SNTG2: variants seen among roughly 807,000 people sequenced by gnomAD.
The protein encoded by SNTG2 is syntrophin gamma 2, also known as gamma-2-syntrophin.
In SNTG2, 74 loss-of-function variants were observed where a neutral mutation model predicts 70.9. That is an observed-to-expected ratio of 1.04 (90% CI 0.86 to 1.27). SNTG2 has a LOEUF of 1.27. Among genes scored for constraint, SNTG2 ranks in the 50% most tolerant of loss-of-function variants. The probability of loss-of-function intolerance (pLI) is 0.00; values close to 1 mark genes in which losing one functional copy is unlikely to be tolerated. For missense variants in SNTG2, 717 were observed against 690.7 expected (o/e 1.04, Z -0.43); for synonymous variants, 278 against 273.8 (o/e 1.02, Z -0.15).
At chr2:996,144 G>A (rs1661675036) in intron 1 of SNTG2, among the ~76,000 whole-genome samples, 2 of 152,116 alleles carry the variant, frequency 1.3e-5, no homozygotes, top group Non-Finnish European at 2.9e-5. Context: ...GCACACAGGT[G>A]GCCTGAGTGT....
intron 1 of SNTG2, among the ~76,000 whole-genome samples, chr2:972,950 C>A (rs1006370548): frequency 1.3e-5 from 2 of 152,192 alleles, no homozygotes; most frequent in African/African-American, 4.8e-5. Context: ...CAGACTAATA[C>A]AAGTATCTAC....
chr2:1,115,617 A>T (rs1323798059), intron 4 of SNTG2, among the ~76,000 whole-genome samples: 1 of 128,566 alleles, frequency 7.8e-6, no homozygotes. Context: ...GAAGAATCGT[A>T]TGTACTAAGT....
At chr2:1,267,641 T>C in intron 14 of SNTG2, 70 bp downstream of exon 14, 2 of 1,349,418 alleles carry the variant, frequency 1.5e-6, no homozygotes, top group East Asian at 4.7e-5. Flanking sequence ...TTGGGGAATA[T>C]GTAGCAGTTT....
intron 16 of SNTG2, among the ~76,000 whole-genome samples, chr2:1,321,925 CTT>C (rs1377401644): frequency 6.6e-5 from 10 of 150,956 alleles, no homozygotes; most frequent in Non-Finnish European, 1.5e-5. Context: ...TCCTTCCTTC[CTT>C]CTCTCCTTCC....
At chr2:1,207,136 A>T (rs1022148780) in intron 8 of SNTG2, among the ~76,000 whole-genome samples, 2 of 152,262 alleles carry the variant, frequency 1.3e-5, no homozygotes, top group African/African-American at 2.4e-5. Flanking sequence ...GCAGTAGTCT[A>T]TGTAGACAAA....
intron 6 of SNTG2, chr2:1,163,103 G>C (rs939213456): frequency 6.6e-6 from 1 of 152,288 alleles, no homozygotes; most frequent in Non-Finnish European, 1.5e-5. Flanking sequence ...GTGGGCTTTT[G>C]AGGGATCCCA....
intron 16 of SNTG2, among the ~76,000 whole-genome samples, chr2:1,355,705 A>G (rs1309622449): frequency 5.3e-5 from 8 of 152,130 alleles, no homozygotes; most frequent in African/African-American, 1.7e-4. Context: ...GCATTCCTAG[A>G]GAAGGGATTG....
intron 6 of SNTG2, among the ~76,000 whole-genome samples, chr2:1,143,741 C>T (rs1450613927): frequency 5.1e-5 from 4 of 78,168 alleles, no homozygotes; most frequent in Non-Finnish European, 1.0e-4. Flanking sequence ...GGAATGGTGG[C>T]GGATGCCTGT....
At chr2:1,264,003 C>T (rs568131063) in intron 13 of SNTG2, among the ~76,000 whole-genome samples, 2 of 152,092 alleles carry the variant, frequency 1.3e-5, no homozygotes, top group East Asian at 1.9e-4. Context: ...GCTTGAACTG[C>T]GTGGGCTCAT....
intron 8 of SNTG2, among the ~76,000 whole-genome samples, chr2:1,197,109 C>T (rs1672955910): frequency 6.6e-6 from 1 of 152,124 alleles, no homozygotes; most frequent in African/African-American, 2.4e-5. Flanking sequence ...AATAAGTCCT[C>T]ACCTATCAAT....
chr2:975,618 G>A (rs1165123702), intron 1 of SNTG2, among the ~76,000 whole-genome samples: 8 of 151,774 alleles, frequency 5.3e-5, no homozygotes, highest in Admixed American at 5.2e-4. Context: ...CCACCCATCC[G>A]CCTACACCAC....
intron 9 of SNTG2, among the ~76,000 whole-genome samples, chr2:1,228,995 G>A (rs974880796): frequency 6.6e-6 from 1 of 152,114 alleles, no homozygotes; most frequent in Admixed American, 6.5e-5. Flanking sequence ...TGGTGGGCTC[G>A]TGGTCTCTCT....
At position 1,228,363 on chromosome 2, in the gene SNTG2, G is replaced by C. The variant is rs1303448771; in HGVS notation, c.720-9525G>C. ...TGGTTTCTGGCTGTGGTTCCCTGCT[G>C]GGGGGAGGAGCGCCTCTCTCTCACC... On this transcript the variant is annotated intron_variant, in intron 9 of 16. Transcript: ENST00000308624. Among the ~76,000 whole-genome samples the C allele has an allele frequency of 2.0e-5, 3 of 152,190 alleles. No homozygotes were observed. The East Asian group carries it at 5.8e-4, about 29-fold the overall frequency.
Position 1,082,178 on chromosome 2 carries a change from A to C in SNTG2, c.73-1340A>C, listed in dbSNP as rs889397021. On this transcript the variant is annotated intron_variant, in intron 1 of 16. Coordinates refer to ENST00000308624, the MANE Select transcript of SNTG2 (RefSeq NM_018968.4). ...GGCCTCCACTGTGGAAACAAGCCCA[A>C]CAAGCCCTTCCTACCGCACTGTGCT... Among the ~76,000 whole-genome samples the C allele has an allele frequency of 5.9e-5, 9 of 152,330 alleles. No individual in the cohort carries two copies. In the South Asian group the frequency reaches 1.9e-3, roughly 32 times the overall value.
intron 1 of SNTG2, among the ~76,000 whole-genome samples, chr2:969,249 C>A (rs1398286779): frequency 1.3e-5 from 2 of 152,158 alleles, no homozygotes; most frequent in Non-Finnish European, 2.9e-5. Flanking sequence ...CTGTACCATG[C>A]TGTTTTGGCC....
At chr2:1,297,989 A>G (rs897683212) in intron 14 of SNTG2, among the ~76,000 whole-genome samples, 1 of 152,202 alleles carries the variant, frequency 6.6e-6, no homozygotes, top group African/African-American at 2.4e-5. Flanking sequence ...CCAGGGCTCT[A>G]TGTGTTACAA....
At chr2:1,276,773 A>C (rs749763208) in intron 14 of SNTG2, among the ~76,000 whole-genome samples, 6 of 152,216 alleles carry the variant, frequency 3.9e-5, no homozygotes, top group Non-Finnish European at 8.8e-5. Context: ...TGAGCAAGTA[A>C]ACTGAAAACC....
intron 1 of SNTG2, among the ~76,000 whole-genome samples, chr2:978,444 A>AAC (rs1660985564): frequency 6.6e-6 from 1 of 152,204 alleles, no homozygotes; most frequent in Non-Finnish European, 1.5e-5. Context: ...TTATTATCCA[A>AAC]CAAGGAACAT....
chr2:1,158,528 G>A (rs371549828), intron 6 of SNTG2: 12 of 152,146 alleles, frequency 7.9e-5, no homozygotes, highest in African/African-American at 2.9e-4. Flanking sequence ...GAATATTCAT[G>A]ACAATTGAAT....
Sources: allele counts gnomAD v4.1 joint callset (sites outside exome capture counted in the v4.1 genomes callset), GRCh38; gene constraint gnomAD v4.1.1; transcripts MANE v1.5; gene names NCBI Gene and HGNC (gene_info 2026-07-23, HGNC 2026-07-21).